Variants in PSD3 observed in about 807,000 individuals in gnomAD.
PSD3 encodes the protein pleckstrin and Sec7 domain containing 3.
A neutral mutation model predicts 105.5 loss-of-function variants in PSD3; 49 were observed. The observed-to-expected ratio is 0.46, with a 90% CI of 0.37 to 0.59. The LOEUF is 0.59. PSD3 is among the 20% of genes least tolerant of loss of function. PSD3 has a pLI of 0.00. For synonymous variants in PSD3, 557 were observed against 457.8 expected, an observed-to-expected ratio of 1.22 and a Z score of -2.77; for missense variants, 1,561 against 1,263.8, an observed-to-expected ratio of 1.24 and a Z score of -3.57.
At chr8:18,863,285 G>C (rs527504414) in intron 4 of PSD3, among the ~76,000 whole-genome samples, 1 of 152,150 alleles carries the variant, frequency 6.6e-6, no homozygotes, top group African/African-American at 2.4e-5. Flanking sequence ...CTGATAAGCC[G>C]GCGAGCGAGA....
At chr8:18,536,381 G>A (rs1279193038) in intron 15 of PSD3, among the ~76,000 whole-genome samples, 1 of 152,112 alleles carries the variant, frequency 6.6e-6, no homozygotes, top group Non-Finnish European at 1.5e-5. Context: ...CAAGAAACTG[G>A]CTTGGATATG....
At chr8:19,007,126 C>T (rs1826718380) in intron 1 of PSD3, among the ~76,000 whole-genome samples, 2 of 151,986 alleles carry the variant, frequency 1.3e-5, no homozygotes, top group Admixed American at 1.3e-4. Context: ...GATTGGTGCA[C>T]ACCTGCAGTC....
chr8:18,689,142 C>G (rs538965383), intron 9 of PSD3, among the ~76,000 whole-genome samples: 55 of 152,300 alleles, frequency 3.6e-4, no homozygotes, highest in African/African-American at 1.1e-3. Context: ...GAAATGAACT[C>G]AATACACTTC....
chr8:18,642,405 G>C (rs1353151255), intron 10 of PSD3, among the ~76,000 whole-genome samples: 1 of 151,978 alleles, frequency 6.6e-6, no homozygotes, highest in Non-Finnish European at 1.5e-5. Flanking sequence ...TGTCTAAAAT[G>C]CTCCTCATAT....
intron 2 of PSD3, among the ~76,000 whole-genome samples, chr8:18,874,993 G>A (rs983165367): frequency 1.3e-5 from 2 of 151,956 alleles, no homozygotes; most frequent in Middle Eastern, 3.2e-3. Flanking sequence ...ATAGCTCACC[G>A]CAGCCTCGAA....
intron 9 of PSD3, among the ~76,000 whole-genome samples, chr8:18,659,335 A>G (rs1334936539): frequency 6.6e-6 from 1 of 152,248 alleles, no homozygotes; most frequent in Non-Finnish European, 1.5e-5. Context: ...ATGCATCTGC[A>G]CTAGCACCTA....
At chr8:18,560,888 G>C (rs908418013) in intron 14 of PSD3, among the ~76,000 whole-genome samples, 1 of 152,168 alleles carries the variant, frequency 6.6e-6, no homozygotes, top group African/African-American at 2.4e-5. Context: ...AAGTGATTGA[G>C]TCCCTCATGA....
chr8:19,002,965 T>G (rs1376829941), intron 1 of PSD3, among the ~76,000 whole-genome samples: 1 of 152,040 alleles, frequency 6.6e-6, no homozygotes, highest in African/African-American at 2.4e-5. Context: ...CAGTTCCCAC[T>G]CAGCTAAGTA....
intron 9 of PSD3, 30 bp downstream of exon 9, chr8:18,765,419 T>C: frequency 6.5e-7 from 1 of 1,536,880 alleles, no homozygotes; most frequent in Non-Finnish European, 9.0e-7. Context: ...AATACAAGCA[T>C]ACACTAAAAA....
intron 2 of PSD3, 29 bp from the exon 3 acceptor site, chr8:18,872,762 CTTG>C (rs1161448978): frequency 2.6e-6 from 4 of 1,514,182 alleles, no homozygotes; most frequent in East Asian, 2.3e-5. Context: ...GGACATATGA[CTTG>C]TTGTAGAAAG....
chr8:18,660,300 C>A (rs753739038), intron 9 of PSD3, among the ~76,000 whole-genome samples: 1 of 152,034 alleles, frequency 6.6e-6, no homozygotes, highest in African/African-American at 2.4e-5. Context: ...TTAGAAGAGG[C>A]GAGGAAGAGA....
At chr8:19,021,121 A>G (rs1444533162) in intron 1 of PSD3, among the ~76,000 whole-genome samples, 5 of 152,250 alleles carry the variant, frequency 3.3e-5, no homozygotes, top group African/African-American at 1.2e-4. Context: ...CTCAGAAATT[A>G]GGGAGATGAG....
Position 18,731,045 on chromosome 8 carries a change from TAAAC to T in PSD3, c.2172+34400_2172+34403del, listed in dbSNP as rs1450926755. On this transcript the variant is annotated intron_variant, in intron 9 of 15. Coordinates refer to ENST00000327040, the MANE Select transcript of PSD3 (RefSeq NM_015310.4). ...TCACCCCTTTACCTCCCCCACAAAA[TAAAC>T]ACTCTTCACCAGCCTGGCCAACATG... Among the ~76,000 whole-genome samples, 3 of 139,702 alleles carry T rather than the reference TAAAC, an allele frequency of 2.1e-5. No homozygotes were observed. The Middle Eastern group carries it at 0.013, about 607-fold the overall frequency. The allele number at this position is 139,702 out of a possible 152,430, so 91.6% of individuals were successfully genotyped here.
intron 10 of PSD3, among the ~76,000 whole-genome samples, chr8:18,640,886 T>C (rs1807595649): frequency 6.6e-6 from 1 of 152,168 alleles, no homozygotes; most frequent in Non-Finnish European, 1.5e-5. Context: ...CTCTATCCCT[T>C]TTGCCTTACT....
intron 4 of PSD3, among the ~76,000 whole-genome samples, chr8:18,811,866 C>T (rs2129448417): frequency 6.6e-6 from 1 of 152,088 alleles, no homozygotes; most frequent in Non-Finnish European, 1.5e-5. Context: ...TTATGACACT[C>T]CAAGGCCAAA....
chr8:18,896,085 C>T (rs1819131920), intron 2 of PSD3, among the ~76,000 whole-genome samples: 1 of 152,188 alleles, frequency 6.6e-6, no homozygotes, highest in South Asian at 2.1e-4. Context: ...TTATGCCTGG[C>T]TTATTTTACT....
intron 9 of PSD3, among the ~76,000 whole-genome samples, chr8:18,677,967 G>GCA: frequency 6.9e-6 from 1 of 145,802 alleles, no homozygotes; most frequent in African/African-American, 2.6e-5. Flanking sequence ...CCGAGATCAG[G>GCA]CCACTGCACT....
intron 1 of PSD3, among the ~76,000 whole-genome samples, chr8:19,039,420 T>G (rs1462436242): frequency 2.0e-5 from 3 of 152,186 alleles, no homozygotes; most frequent in Non-Finnish European, 4.4e-5. Flanking sequence ...CATCTTCCAT[T>G]AACTACTTTT....
At chr8:18,573,913 A>G (rs1802317812) in intron 13 of PSD3, among the ~76,000 whole-genome samples, 1 of 152,182 alleles carries the variant, frequency 6.6e-6, no homozygotes, top group South Asian at 2.1e-4. Flanking sequence ...ACTGAAATGT[A>G]CATTTCAAAC....
Sources: allele counts gnomAD v4.1 joint callset (sites outside exome capture counted in the v4.1 genomes callset), GRCh38; gene constraint gnomAD v4.1.1; transcripts MANE v1.5; gene names NCBI Gene and HGNC (gene_info 2026-07-23, HGNC 2026-07-21).